Variants in MRPL1 observed in about 807,000 individuals in gnomAD.
The protein encoded by MRPL1 is mitochondrial ribosomal protein L1, also known as large ribosomal subunit protein uL1m.
MRPL1 carries 28 observed loss-of-function variants against 38.0 expected under a neutral mutation model. The observed-to-expected ratio is 0.74, with a 90% CI of 0.55 to 1.01. The LOEUF (loss-of-function observed/expected upper bound fraction) is 1.01. Among genes scored for constraint, MRPL1 ranks in the 50% least tolerant of loss-of-function variants. MRPL1 has a pLI of 0.00. For missense variants in MRPL1, 358 were observed against 389.8 expected (o/e 0.92, Z 0.69); for synonymous variants, 123 against 126.7 (o/e 0.97, Z 0.20).
rs1578057061 is a variant in MRPL1 at position 77,925,446 on chromosome 4, G to A, written c.777+16074G>A. 1.2e-4 allele frequency among the ~76,000 whole-genome samples: 18 copies of A among 151,450 alleles called. No homozygotes were observed. The South Asian group carries it at 3.8e-3, about 32-fold the overall frequency. ...GGCTCACTGCAAGCTCCACCTCCCG[G>A]GTTCACACCGTTCTCCTGCCTCAGC... On this transcript the variant is annotated intron_variant, in intron 7 of 8. Transcript: ENST00000315567.
chr4:77,902,673 A>C (rs1192389037), intron 6 of MRPL1, among the ~76,000 whole-genome samples: 1 of 152,100 alleles, frequency 6.6e-6, no homozygotes, highest in Non-Finnish European at 1.5e-5. Context: ...TCAGGAATGA[A>C]AGCGGTGACA....
chr4:77,867,764 T>C (rs1211075532), intron 1 of MRPL1, among the ~76,000 whole-genome samples: 1 of 146,522 alleles, frequency 6.8e-6, no homozygotes, highest in Non-Finnish European at 1.5e-5. Context: ...TTTTTTTTTT[T>C]TTTTTTTTTT....
chr4:77,885,163 GAAAAC>G, intron 3 of MRPL1, 88 bp from the exon 4 acceptor site: 3 of 955,590 alleles, frequency 3.1e-6, no homozygotes, highest in Non-Finnish European at 5.0e-6. Context: ...TCAGAACACT[GAAAAC>G]AAAACATGTC....
intron 7 of MRPL1, among the ~76,000 whole-genome samples, chr4:77,916,176 G>A (rs1736419467): frequency 6.6e-6 from 1 of 152,082 alleles, no homozygotes; most frequent in Non-Finnish European, 1.5e-5. Flanking sequence ...ATTTCAGATA[G>A]TAATTAAATA....
rs751954915 is a variant in MRPL1, at chr4:77,883,327, T to C, written c.229T>C (p.Tyr77His). ...DEIEKIKAYP[Y>H]MEGEPEDDVY... ...AATAGAAAAAATAAAAGCATATCCCTATATGGAAGGCGAACCTGAGGATGA... is the reference window on the plus strand; with the variant it reads ...AATAGAAAAAATAAAAGCATATCCCCATATGGAAGGCGAACCTGAGGATGA... The change falls in exon 3 of 9, where the codon TAT becomes CAT. Residue 77 changes from tyrosine to histidine, a missense_variant. Coordinates refer to ENST00000315567, the MANE Select transcript of MRPL1 (RefSeq NM_020236.4). 1.1e-5 allele frequency: 18 copies of C among 1,613,400 alleles called. No individual in the cohort carries two copies. The highest frequency in any genetic ancestry group is 1.5e-5 in the Non-Finnish European group (18 of 1,179,668).
rs532283378 is a variant in MRPL1, at chr4:77,881,512, GC to G, written c.144-1729del. Reference sequence around the variant, plus strand: ...TACCTGGAGTGCACTGACATAATCAGCTCACTGCAGTCTCAGACTCCTGAGC... The same window carrying G: ...TACCTGGAGTGCACTGACATAATCAGTCACTGCAGTCTCAGACTCCTGAGC... On this transcript the variant is annotated intron_variant, in intron 2 of 8. Transcript: ENST00000315567. 1.5e-3 allele frequency among the ~76,000 whole-genome samples: 220 copies of G among 146,006 alleles called. 3 individuals carry two copies. Among genetic ancestry groups the G allele is most frequent in the Middle Eastern group, 3.6e-3 (1 of 274 alleles).
intron 7 of MRPL1, 47 bp downstream of exon 7, chr4:77,909,419 C>G (rs374802502): frequency 2.9e-5 from 34 of 1,184,638 alleles, no homozygotes; most frequent in Non-Finnish European, 3.8e-5. Context: ...TTTTGTTGTT[C>G]AAGTATTCTT....
chr4:77,890,474 A>T (rs923228165), intron 5 of MRPL1, among the ~76,000 whole-genome samples: 2 of 152,232 alleles, frequency 1.3e-5, no homozygotes, highest in African/African-American at 4.8e-5. Flanking sequence ...CTAGGTATTG[A>T]TGGGACATAT....
At chr4:77,902,188 A>G (rs1296868987) in intron 6 of MRPL1, among the ~76,000 whole-genome samples, 1 of 152,222 alleles carries the variant, frequency 6.6e-6, no homozygotes, top group East Asian at 1.9e-4. Context: ...CAGCTGAAGC[A>G]GTACTTAGAA....
At chr4:77,930,257 C>T (rs1275124806) in intron 7 of MRPL1, among the ~76,000 whole-genome samples, 1 of 152,162 alleles carries the variant, frequency 6.6e-6, no homozygotes, top group Non-Finnish European at 1.5e-5. Flanking sequence ...GGTCCCCAAT[C>T]CCTGGGCTAT....
chr4:77,905,882 T>C (rs1736147157), intron 6 of MRPL1, among the ~76,000 whole-genome samples: 1 of 152,246 alleles, frequency 6.6e-6, no homozygotes, highest in Admixed American at 6.5e-5. Context: ...GTCCTTTATG[T>C]GTTTATTCTT....
At chr4:77,869,263 G>C (rs1735223796) in intron 1 of MRPL1, among the ~76,000 whole-genome samples, 1 of 152,194 alleles carries the variant, frequency 6.6e-6, no homozygotes, top group Non-Finnish European at 1.5e-5. Context: ...CGGGGTGGGA[G>C]AGATTTTGAG....
chr4:77,906,595 G>A (rs1366303825), intron 6 of MRPL1, among the ~76,000 whole-genome samples: 1 of 152,146 alleles, frequency 6.6e-6, no homozygotes, highest in Non-Finnish European at 1.5e-5. Flanking sequence ...AAGAGGAATG[G>A]CCTTTGTTAG....
intron 1 of MRPL1, among the ~76,000 whole-genome samples, chr4:77,868,466 C>A (rs1735205488): frequency 6.6e-6 from 1 of 152,104 alleles, no homozygotes; most frequent in African/African-American, 2.4e-5. Context: ...TGGTCTTGAA[C>A]TCCTTATCTT....
rs755777194 is a variant in MRPL1, at chr4:77,883,404, T to G, written c.306T>G (p.Ala102=). The change falls in exon 3 of 9, where the codon GCT becomes GCG. Residue 102 remains alanine (A), a synonymous_variant. Coordinates refer to ENST00000315567, the MANE Select transcript of MRPL1 (RefSeq NM_020236.4). ...YPRQIYEVEK[A]VHLLKKFQIL... is the part of the protein sequence containing the mutation. ...GACAGATATATGAGGTGGAGAAAGC[T>G]GTTCACTTACTTAAGAAATTTCAAA... is the stretch of plus-strand genomic sequence containing the variant. The G allele has an allele frequency of 1.9e-6, 3 of 1,613,874 alleles. No individual in the cohort carries two copies. The East Asian group carries it at 6.7e-5, about 36-fold the overall frequency.
At chr4:77,945,741 G>T (rs1737248304) in intron 7 of MRPL1, among the ~76,000 whole-genome samples, 1 of 152,058 alleles carries the variant, frequency 6.6e-6, no homozygotes, top group African/African-American at 2.4e-5. Flanking sequence ...AAAACCAGCA[G>T]GTTTTTATTG....
Position 77,902,875 on chromosome 4 carries a change from A to T in MRPL1, c.671-6391A>T, listed in dbSNP as rs532653315. Among the ~76,000 whole-genome samples, 39 of 152,350 alleles carry T rather than the reference A, an allele frequency of 2.6e-4. No homozygotes were observed. In the South Asian group the frequency reaches 7.9e-3, roughly 31 times the overall value. Reference sequence around the variant, plus strand: ...GAATTAGTCATGTATAAGTTCTCCCATGAAAAGTCCAGGCCCACCTGATTC... The same window carrying T: ...GAATTAGTCATGTATAAGTTCTCCCTTGAAAAGTCCAGGCCCACCTGATTC... On this transcript the variant is annotated intron_variant, in intron 6 of 8. Transcript: ENST00000315567.
chr4:77,922,004 A>G (rs1402408682), intron 7 of MRPL1, among the ~76,000 whole-genome samples: 1 of 152,226 alleles, frequency 6.6e-6, no homozygotes, highest in African/African-American at 2.4e-5. Context: ...GGTTATATAC[A>G]TCAACAAAGT....
intron 7 of MRPL1, among the ~76,000 whole-genome samples, chr4:77,934,439 A>T (rs1361406096): frequency 6.6e-6 from 1 of 152,192 alleles, no homozygotes; most frequent in African/African-American, 2.4e-5. Context: ...GACAATAAAC[A>T]CATAACATTA....
Sources: allele counts gnomAD v4.1 joint callset (sites outside exome capture counted in the v4.1 genomes callset), GRCh38; gene constraint gnomAD v4.1.1; transcripts MANE v1.5; gene names NCBI Gene and HGNC (gene_info 2026-07-23, HGNC 2026-07-21).